The following TTBK2 variants were observed in gnomAD, a reference collection of about 807,000 sequenced individuals.
TTBK2 encodes the protein tau tubulin kinase 2, also known as tau-tubulin kinase 2.
In TTBK2, 28 loss-of-function variants were observed where a neutral mutation model predicts 110.8. That is an observed-to-expected ratio of 0.25 (90% confidence interval 0.19 to 0.35). The LOEUF (loss-of-function observed/expected upper bound fraction) is 0.35. TTBK2 is among the 10% of genes least tolerant of loss of function. TTBK2 has a pLI of 1.00. For missense variants in TTBK2, 1,369 were observed against 1,500.3 expected (o/e 0.91, Z 1.45); for synonymous variants, 532 against 527.3 (o/e 1.01, Z -0.12).
intron 4 of TTBK2, among the ~76,000 whole-genome samples, chr15:42,837,657 C>CAAA (rs35898464): frequency 9.0e-4 from 36 of 39,930 alleles, no homozygotes; most frequent in Non-Finnish European, 1.3e-3. Context: ...GACTCTGTCT[C>CAAA]AAAAAAAAAA....
chr15:42,815,931 AAT>A (rs1291134154), intron 7 of TTBK2, among the ~76,000 whole-genome samples: 672 of 50,550 alleles, frequency 0.013, 9 homozygotes, highest in Admixed American at 0.017. Context: ...TATATTTAAA[AAT>A]ATATATATAT....
At chr15:42,840,793 T>C (rs1396240932) in intron 3 of TTBK2, among the ~76,000 whole-genome samples, 1 of 152,300 alleles carries the variant, frequency 6.6e-6, no homozygotes, top group African/African-American at 2.4e-5. Context: ...AAGAACTATG[T>C]TAGGAATATA....
At chr15:42,838,139 C>T (rs1291436548) in intron 4 of TTBK2, among the ~76,000 whole-genome samples, 5 of 151,504 alleles carry the variant, frequency 3.3e-5, no homozygotes, top group South Asian at 4.2e-4. Flanking sequence ...ACCCGGGAGG[C>T]GGAGGTTGCA....
rs181311192 is a variant in TTBK2, at chr15:42,874,545, G to A, written c.70-1787C>T. 5.0e-3 allele frequency among the ~76,000 whole-genome samples: 758 copies of A among 151,660 alleles called. 9 individuals are homozygous for A. The highest frequency in any genetic ancestry group is 0.018 in the African/African-American group (729 of 41,412). On this transcript the variant is annotated intron_variant, in intron 2 of 14. Transcript: ENST00000267890. ...TTGGCCAGGCTGGTCTCAAACTCCT[G>A]ATCACAGGTGATCCACCCACCTCTG... is the stretch of plus-strand genomic sequence containing the variant.
intron 10 of TTBK2, among the ~76,000 whole-genome samples, chr15:42,784,989 A>G (rs970612174): frequency 1.3e-5 from 2 of 152,144 alleles, no homozygotes; most frequent in Non-Finnish European, 2.9e-5. Context: ...TTAGTTGACT[A>G]TGACAAGAAT....
Position 42,763,147 on chromosome 15 carries a change from T to C in TTBK2, c.1999-9900A>G, listed in dbSNP as rs1182573288. Among the ~76,000 whole-genome samples, 67 of 74,636 alleles carry C rather than the reference T, an allele frequency of 9.0e-4. 1 individual carries two copies. The highest frequency in any genetic ancestry group is 5.0e-3 in the African/African-American group (63 of 12,642). 49.0% of individuals were successfully genotyped at this position (74,636 alleles called of 152,430 possible). On this transcript the variant is annotated intron_variant, in intron 13 of 14. Transcript: ENST00000267890. Reference sequence around the variant, plus strand: ...ATATATATACATATATACATACATATATATATATACATATATATATATATA... The same window carrying C: ...ATATATATACATATATACATACATACATATATATACATATATATATATATA...
chr15:42,851,965 A>G (rs193257379), intron 3 of TTBK2, among the ~76,000 whole-genome samples: 39 of 152,314 alleles, frequency 2.6e-4, no homozygotes, highest in African/African-American at 9.1e-4. Flanking sequence ...AATGATACTA[A>G]AACAAGATAA....
intron 6 of TTBK2, among the ~76,000 whole-genome samples, chr15:42,826,320 A>G (rs1055605481): frequency 6.6e-6 from 1 of 152,140 alleles, no homozygotes; most frequent in Non-Finnish European, 1.5e-5. Context: ...GACAGATCCC[A>G]AAACAGACAG....
At chr15:42,890,920 G>A (rs1245206732) in intron 1 of TTBK2, among the ~76,000 whole-genome samples, 4 of 152,154 alleles carry the variant, frequency 2.6e-5, no homozygotes, top group South Asian at 4.1e-4. Flanking sequence ...CCAGGATGGA[G>A]TGCACTGGCG....
chr15:42,901,418 T>G (rs2030000627), intron 1 of TTBK2, among the ~76,000 whole-genome samples: 1 of 151,744 alleles, frequency 6.6e-6, no homozygotes, highest in African/African-American at 2.4e-5. Flanking sequence ...GACAATGGAT[T>G]TGACAATAAT....
chr15:42,892,489 T>C (rs1185381553), intron 1 of TTBK2, among the ~76,000 whole-genome samples: 4 of 149,786 alleles, frequency 2.7e-5, no homozygotes, highest in Non-Finnish European at 3.0e-5. Flanking sequence ...GGTGGATTGA[T>C]TGAGCTCAGG....
intron 1 of TTBK2, among the ~76,000 whole-genome samples, chr15:42,909,882 A>C (rs1157127916): frequency 6.6e-6 from 1 of 152,170 alleles, no homozygotes; most frequent in Non-Finnish European, 1.5e-5. Flanking sequence ...AAGCAGGTGA[A>C]AGCCAGGCAG....
At position 42,838,132 on chromosome 15, in the gene TTBK2, C is replaced by T. The variant is rs1326958857; in HGVS notation, c.291+2228G>A. On this transcript the variant is annotated intron_variant, in intron 4 of 14. Transcript: ENST00000267890. Reference sequence around the variant, plus strand: ...CTGAGGCAGGAGAATCGCTTGAACCCGGGAGGCGGAGGTTGCAGTGAGCCG... The same window carrying T: ...CTGAGGCAGGAGAATCGCTTGAACCTGGGAGGCGGAGGTTGCAGTGAGCCG... Among the ~76,000 whole-genome samples, 5 of 151,828 alleles carry T rather than the reference C, an allele frequency of 3.3e-5. No individual in the cohort carries two copies. The South Asian group carries it at 6.2e-4, about 19-fold the overall frequency.
chr15:42,911,820 T>C (rs1486841044), intron 1 of TTBK2, among the ~76,000 whole-genome samples: 1 of 152,136 alleles, frequency 6.6e-6, no homozygotes, highest in Non-Finnish European at 1.5e-5. Flanking sequence ...AAGCATAACA[T>C]ACAAGTGCAT....
Position 42,741,569 on chromosome 15 carries a change from T to C in TTBK2, c.*4226A>G, listed in dbSNP as rs573628044. 1 of 152,324 alleles carries C rather than the reference T, an allele frequency of 6.6e-6. No homozygotes were observed. Among genetic ancestry groups the C allele is most frequent in the Non-Finnish European group, 1.5e-5 (1 of 68,034 alleles). 9.4% of individuals were successfully genotyped at this position (152,324 alleles called of 1,614,324 possible). On this transcript the variant is annotated 3_prime_UTR_variant, in exon 15 of 15. Transcript: ENST00000267890. ...AAAGTCCCGACACATCTGTGGTAAGTGCACATAAACAGAAATGGGCAGATT... is the reference window on the plus strand; with the variant it reads ...AAAGTCCCGACACATCTGTGGTAAGCGCACATAAACAGAAATGGGCAGATT...
At chr15:42,794,600 T>A in intron 10 of TTBK2, 44 bp downstream of exon 10, 1 of 1,614,008 alleles carries the variant, frequency 6.2e-7, no homozygotes, top group Non-Finnish European at 8.5e-7. Context: ...GCAAATATAA[T>A]ACATCCAGGA....
intron 9 of TTBK2, among the ~76,000 whole-genome samples, chr15:42,797,769 T>C: frequency 6.6e-6 from 1 of 152,220 alleles, no homozygotes; most frequent in Non-Finnish European, 1.5e-5. Context: ...AAGTCATCTA[T>C]ATAGTATATA....
intron 1 of TTBK2, among the ~76,000 whole-genome samples, chr15:42,881,356 A>G (rs1373115732): frequency 1.3e-5 from 2 of 151,828 alleles, no homozygotes; most frequent in African/African-American, 4.8e-5. Flanking sequence ...CAAAAAAAAA[A>G]AAAAACCTTT....
At chr15:42,748,621 C>T (rs1009438758) in intron 14 of TTBK2, among the ~76,000 whole-genome samples, 4 of 151,968 alleles carry the variant, frequency 2.6e-5, no homozygotes, top group African/African-American at 4.8e-5. Context: ...CCATGTTGCC[C>T]AGGCTGGTCT....
Sources: allele counts gnomAD v4.1 joint callset (sites outside exome capture counted in the v4.1 genomes callset), GRCh38; gene constraint gnomAD v4.1.1; transcripts MANE v1.5; gene names NCBI Gene and HGNC (gene_info 2026-07-23, HGNC 2026-07-21).